C5orf58: variants seen among roughly 807,000 people sequenced by gnomAD.
C5orf58 encodes putative uncharacterized protein C5orf58.
C5orf58 carries 2 observed loss-of-function variants against 2.9 expected under a neutral mutation model. The observed-to-expected ratio is 0.69, with a 90% CI of 0.28 to 2.18. The LOEUF (loss-of-function observed/expected upper bound fraction) is 2.18. Ranked by LOEUF, C5orf58 falls within the 30% of genes most tolerant of loss-of-function variation. The pLI is 0.13. For missense variants in C5orf58, 96 were observed against 91.7 expected (o/e 1.05, Z -0.19); for synonymous variants, 37 against 33.4 (o/e 1.11, Z -0.37).
downstream of C5orf58, chr5:170,247,358 T>A (rs1340048166): frequency 6.6e-6 from 1 of 152,234 alleles, no homozygotes; most frequent in East Asian, 1.9e-4. Context: ...ACTCCTTATT[T>A]TAACATATCA....
chr5:170,234,183 A>G lies in C5orf58; in HGVS notation c.-16A>G. The G allele has an allele frequency of 2.2e-6, 3 of 1,367,350 alleles. No homozygotes were observed. Among genetic ancestry groups the G allele is most frequent in the Non-Finnish European group, 2.9e-6 (3 of 1,021,522 alleles). 84.7% of individuals were successfully genotyped at this position (1,367,350 alleles called of 1,614,324 possible). ...TCCCTGCTCAGGAAAAGGTAGAGGC[A>G]AGGATTGACTTAAAGGTTAGTTTGT... On this transcript the variant is annotated 5_prime_UTR_variant, in exon 2 of 4. Transcript: ENST00000593851.
downstream of C5orf58, chr5:170,248,935 G>T: frequency 1.9e-6 from 2 of 1,048,580 alleles, no homozygotes; most frequent in South Asian, 2.9e-5. Context: ...AGGATTGTGG[G>T]GGGAAAAAAT....
chr5:170,234,517 C>T (rs1760660031), intron 2 of C5orf58, among the ~76,000 whole-genome samples: 1 of 152,184 alleles, frequency 6.6e-6, no homozygotes, highest in Non-Finnish European at 1.5e-5. Flanking sequence ...ATTGAATTAT[C>T]CTCTTAATGA....
At chr5:170,252,560 G>A, downstream of C5orf58, 4 of 950,846 alleles carry the variant, frequency 4.2e-6, no homozygotes, top group South Asian at 1.4e-5. Context: ...AGTTACAGAT[G>A]TAAGTGAAAA....
In C5orf58 at chr5:170,246,010, C is replaced by G. The variant is rs1280773814; in HGVS notation, c.143C>G (p.Pro48Arg). The G allele has an allele frequency of 5.6e-6, 9 of 1,613,370 alleles. No individual in the cohort carries two copies. The highest frequency in any genetic ancestry group is 1.1e-5 in the South Asian group (1 of 91,050). The change falls in exon 4 of 4, where the codon CCC (proline) becomes CGC (arginine). Residue 48 changes from proline (P) to arginine (R), a missense_variant. Physicochemically the swap from Pro to Arg is moderately radical, Grantham distance 103 (BLOSUM62 -2). Transcript: ENST00000593851. Reference protein sequence around the residue: ...LCDLILHFNHPIKTENLAEAE... With the variant: ...LCDLILHFNHRIKTENLAEAE... Reference sequence around the variant, plus strand: ...GACCTTATCCTACATTTTAATCATCCCATCAAGACTGAGAACTTAGCAGAA... The same window carrying G: ...GACCTTATCCTACATTTTAATCATCGCATCAAGACTGAGAACTTAGCAGAA...
At chr5:170,235,101 G>A (rs1760689045) in intron 3 of C5orf58, 31 bp downstream of exon 3, 1 of 1,121,998 alleles carries the variant, frequency 8.9e-7, no homozygotes, top group African/African-American at 1.6e-5. Context: ...ATGTTTGCAT[G>A]TCATTGTTAT....
downstream of C5orf58, among the ~76,000 whole-genome samples, chr5:170,250,115 T>G (rs1246646909): frequency 6.6e-6 from 1 of 152,246 alleles, no homozygotes; most frequent in Non-Finnish European, 1.5e-5. Context: ...CTTGGAACTT[T>G]GAACTTAGAG....
chr5:170,242,890 T>G (rs1417808789), intron 3 of C5orf58, among the ~76,000 whole-genome samples: 1 of 147,462 alleles, frequency 6.8e-6, no homozygotes, highest in Non-Finnish European at 1.5e-5. Flanking sequence ...TTTTGGATCT[T>G]TCCTGCTTTC....
At chr5:170,248,377 G>T (rs1185950514), downstream of C5orf58, 2 of 218,178 alleles carry the variant, frequency 9.2e-6, no homozygotes, top group Admixed American at 1.2e-4. Flanking sequence ...GCCCCAAATT[G>T]TTTCTGTAGC....
At chr5:170,248,919 G>T, downstream of C5orf58, 5 of 1,182,854 alleles carry the variant, frequency 4.2e-6, no homozygotes, top group South Asian at 1.3e-5. Flanking sequence ...GCCTCTTCAA[G>T]TGATGAGGAT....
chr5:170,236,318 G>A (rs1307365424), intron 3 of C5orf58, among the ~76,000 whole-genome samples: 3 of 152,090 alleles, frequency 2.0e-5, no homozygotes, highest in Non-Finnish European at 4.4e-5. Context: ...ACTTTGATCT[G>A]TGAACCCTGC....
chr5:170,250,826 G>A, downstream of C5orf58: 1 of 1,612,250 alleles, frequency 6.2e-7, no homozygotes, highest in Non-Finnish European at 8.5e-7. Flanking sequence ...ACAACACCAT[G>A]AGGACATATG....
At chr5:170,250,968 G>A, downstream of C5orf58, 1 of 1,096,694 alleles carries the variant, frequency 9.1e-7, no homozygotes, top group Non-Finnish European at 1.3e-6. Flanking sequence ...CAAGCCTCTA[G>A]GGATCTGACA....
chr5:170,250,163 T>C (rs533248576), downstream of C5orf58, among the ~76,000 whole-genome samples: 11 of 152,332 alleles, frequency 7.2e-5, no homozygotes, highest in African/African-American at 2.6e-4. Flanking sequence ...TAGTTTCCTT[T>C]GCGAAAAACT....
At chr5:170,243,753 T>C (rs1401201455) in intron 3 of C5orf58, among the ~76,000 whole-genome samples, 1 of 151,616 alleles carries the variant, frequency 6.6e-6, no homozygotes, top group Non-Finnish European at 1.5e-5. Context: ...CTGTGTCTTT[T>C]AATTGGAGCA....
At chr5:170,248,891 A>C (rs950888876), downstream of C5orf58, 8 of 1,467,180 alleles carry the variant, frequency 5.5e-6, no homozygotes, top group Non-Finnish European at 7.6e-6. Context: ...CAGTTTTTTT[A>C]TCTGCATAAT....
chr5:170,248,140 ATAAAAAAATTACG>A (rs1300004461), downstream of C5orf58: 1 of 152,394 alleles, frequency 6.6e-6, no homozygotes, highest in African/African-American at 2.4e-5. Context: ...TTGTCTTTTC[ATAAAAAAATTACG>A]TAAAAATGCC....
At chr5:170,247,448 C>G (rs190776677), downstream of C5orf58, 112 of 152,304 alleles carry the variant, frequency 7.4e-4, no homozygotes, top group African/African-American at 2.6e-3. Flanking sequence ...GCAAGATACT[C>G]TTTTCCATTT....
At chr5:170,250,969 GGATC>G, downstream of C5orf58, 1 of 1,085,566 alleles carries the variant, frequency 9.2e-7, no homozygotes, top group Non-Finnish European at 1.3e-6. Context: ...AAGCCTCTAG[GGATC>G]TGACAAACAT....
Sources: allele counts gnomAD v4.1 joint callset (sites outside exome capture counted in the v4.1 genomes callset), GRCh38; gene constraint gnomAD v4.1.1; transcripts MANE v1.5; gene names NCBI Gene and HGNC (gene_info 2026-07-23, HGNC 2026-07-21).